CALN1: variants seen among roughly 807,000 people sequenced by gnomAD.
CALN1 encodes the protein calneuron 1.
CALN1 carries 17 observed loss-of-function variants against 30.6 expected under a neutral mutation model. The ratio of observed to expected loss-of-function variants is 0.56; its 90% CI spans 0.38 to 0.83. The LOEUF is 0.83. Among genes scored for constraint, CALN1 ranks in the 40% least tolerant of loss-of-function variants. The probability of loss-of-function intolerance (pLI) is 0.00; values close to 1 mark genes in which losing one functional copy is unlikely to be tolerated. For missense variants in CALN1, 291 were observed against 354.9 expected (o/e 0.82, Z 1.45); for synonymous variants, 156 against 131.4 (o/e 1.19, Z -1.28).
At position 72,236,766 on chromosome 7, in the gene CALN1, T is replaced by C. The variant is rs569185109; in HGVS notation, c.244+41920A>G. 3.1e-4 allele frequency among the ~76,000 whole-genome samples: 47 copies of C among 152,310 alleles called. 1 individual carries two copies. The highest frequency in any genetic ancestry group is 2.7e-3 in the Admixed American group (41 of 15,298). On this transcript the variant is annotated intron_variant, in intron 3 of 6. Coordinates refer to ENST00000395275, the MANE Select transcript of CALN1 (RefSeq NM_031468.4). ...TCATTGATTTTCAGCTTTAATGATA[T>C]AGTACAGGTATTTGTGACTATCTGT...
intron 5 of CALN1, among the ~76,000 whole-genome samples, chr7:71,914,473 G>C (rs371501384): frequency 1.3e-5 from 2 of 152,226 alleles, no homozygotes; most frequent in African/African-American, 2.4e-5. Flanking sequence ...GATTGAGTCT[G>C]TGTCTTGGCT....
intron 3 of CALN1, among the ~76,000 whole-genome samples, chr7:72,255,205 C>G (rs1009030696): frequency 6.6e-6 from 1 of 151,840 alleles, no homozygotes; most frequent in African/African-American, 2.4e-5. Context: ...CATGCTTCAG[C>G]TTCCCCAGTA....
rs531020182 is a variant in CALN1, at chr7:72,346,353, A to T, written c.119+56898T>A. ...GATAATTATATCCATATTTCTAAGT[A>T]AGTGATTTTTAAAAAAATATTTATT... On this transcript the variant is annotated intron_variant, in intron 2 of 6. Coordinates refer to ENST00000395275, the MANE Select transcript of CALN1 (RefSeq NM_031468.4). 3.9e-5 allele frequency among the ~76,000 whole-genome samples: 6 copies of T among 152,284 alleles called. No individual in the cohort carries two copies. In the East Asian group the frequency reaches 9.7e-4, roughly 25 times the overall value.
intron 5 of CALN1, among the ~76,000 whole-genome samples, chr7:71,845,439 G>T (rs1005628315): frequency 2.0e-5 from 3 of 152,166 alleles, no homozygotes; most frequent in Non-Finnish European, 4.4e-5. Flanking sequence ...CACTTCTAGA[G>T]GCTGGCTCTA....
At chr7:72,106,422 CAGATA>C in intron 3 of CALN1, 128 bp from the exon 4 acceptor site, 1 of 1,097,066 alleles carries the variant, frequency 9.1e-7, no homozygotes, top group Non-Finnish European at 1.3e-6. Context: ...ACTCTTTAAT[CAGATA>C]AAAGGGAGGA....
At chr7:72,183,037 C>A (rs1789930522) in intron 3 of CALN1, among the ~76,000 whole-genome samples, 1 of 151,986 alleles carries the variant, frequency 6.6e-6, no homozygotes, top group African/African-American at 2.4e-5. Flanking sequence ...CTCTATGGGG[C>A]TTTTTTGTTT....
chr7:71,807,186 G>T (rs1260517720), intron 6 of CALN1, among the ~76,000 whole-genome samples: 1 of 152,174 alleles, frequency 6.6e-6, no homozygotes, highest in Non-Finnish European at 1.5e-5. Flanking sequence ...CTTGATAGAA[G>T]AAGGGAAAGG....
At chr7:72,063,872 A>C (rs1803835560) in intron 4 of CALN1, among the ~76,000 whole-genome samples, 2 of 152,298 alleles carry the variant, frequency 1.3e-5, no homozygotes, top group South Asian at 4.1e-4. Context: ...AATAAAATCC[A>C]AAATCCAAAC....
At chr7:72,280,346 AG>A (rs1797652842) in intron 2 of CALN1, among the ~76,000 whole-genome samples, 1 of 152,206 alleles carries the variant, frequency 6.6e-6, no homozygotes, top group Non-Finnish European at 1.5e-5. Flanking sequence ...CTCTTTCCAT[AG>A]CTAACAGCAT....
chr7:72,010,845 G>GA (rs1800034616), intron 5 of CALN1, among the ~76,000 whole-genome samples: 1 of 149,876 alleles, frequency 6.7e-6, no homozygotes, highest in Non-Finnish European at 1.5e-5. Context: ...AAAAGAAAAA[G>GA]AAAAGAAAAG....
At chr7:72,205,575 T>TACATATATATATATATATAC (rs1196690990) in intron 3 of CALN1, among the ~76,000 whole-genome samples, 3 of 119,616 alleles carry the variant, frequency 2.5e-5, no homozygotes, top group African/African-American at 1.3e-4. Flanking sequence ...TATGTATATA[T>TACATATATATATATATATAC]ATATATATAT....
At chr7:72,484,533 C>A in the CALN1 span, among the ~76,000 whole-genome samples, 2 of 152,170 alleles carry the variant, frequency 1.3e-5, no homozygotes, top group Non-Finnish European at 2.9e-5. Flanking sequence ...CAGTCCCCAC[C>A]GCCCGCCCCC....
chr7:72,207,663 A>G (rs1362520972), intron 3 of CALN1, among the ~76,000 whole-genome samples: 1 of 151,780 alleles, frequency 6.6e-6, no homozygotes, highest in Non-Finnish European at 1.5e-5. Context: ...AAGCCTTGTA[A>G]GAAGGACATT....
chr7:72,106,055 TCTGGATTTAAAAGTGCAAGGCC>T, intron 4 of CALN1, 74 bp downstream of exon 4: 1 of 1,454,382 alleles, frequency 6.9e-7, no homozygotes, highest in Non-Finnish European at 9.2e-7. Flanking sequence ...AAACCAAGTC[TCTGGATTTAAAAGTGCAAGGCC>T]CTGCATAAAC....
intron 2 of CALN1, among the ~76,000 whole-genome samples, chr7:72,368,717 A>G (rs1208238863): frequency 2.0e-5 from 3 of 152,100 alleles, no homozygotes; most frequent in Non-Finnish European, 4.4e-5. Flanking sequence ...ACAAGACGAC[A>G]AAGTGAAAAA....
rs183247243 is a variant in CALN1 at position 72,446,818 on chromosome 7, G to A, written c.-226+224C>T. Among the ~76,000 whole-genome samples, 44 of 152,216 alleles carry A rather than the reference G, an allele frequency of 2.9e-4. No individual in the cohort carries two copies. In the East Asian group the frequency reaches 7.5e-3, roughly 26 times the overall value. On this transcript the variant is annotated intron_variant, in intron 1 of 6. Coordinates refer to the CALN1 transcript ENST00000395276. ...GGGTGAAGCTGGGGCCAAAACAAAC[G>A]TGCCAAGAGCCACCACCACCTCCAG...
intron 2 of CALN1, among the ~76,000 whole-genome samples, chr7:72,383,135 A>G (rs1805011709): frequency 6.6e-6 from 1 of 152,094 alleles, no homozygotes; most frequent in Non-Finnish European, 1.5e-5. Context: ...GTGTATGTGT[A>G]CCACATTTTC....
At chr7:71,825,368 G>T (rs779158517) in intron 5 of CALN1, among the ~76,000 whole-genome samples, 4 of 152,160 alleles carry the variant, frequency 2.6e-5, no homozygotes, top group Non-Finnish European at 5.9e-5. Context: ...ATGAGATCTG[G>T]TAAGTTTTAT....
At chr7:71,939,895 T>C (rs569625006) in intron 5 of CALN1, among the ~76,000 whole-genome samples, 1 of 152,270 alleles carries the variant, frequency 6.6e-6, no homozygotes, top group East Asian at 1.9e-4. Context: ...CCAGGGAAGT[T>C]ACCAGCTGAT....
Sources: allele counts gnomAD v4.1 joint callset (sites outside exome capture counted in the v4.1 genomes callset), GRCh38; gene constraint gnomAD v4.1.1; transcripts MANE v1.5; gene names NCBI Gene and HGNC (gene_info 2026-07-23, HGNC 2026-07-21).